FRS2: variants seen among roughly 807,000 people sequenced by gnomAD.
FRS2 encodes FGFR signalling adaptor.
Under a neutral mutation model 43.9 loss-of-function variants are expected in FRS2, and 8 were observed. That is an observed-to-expected ratio of 0.18 (90% CI 0.11 to 0.33). The LOEUF (loss-of-function observed/expected upper bound fraction) is 0.33. FRS2 is among the 10% of genes least tolerant of loss of function. FRS2 has a pLI of 1.00. For synonymous variants in FRS2, 219 were observed against 220.3 expected (o/e 0.99, Z 0.05); for missense variants, 534 against 627.6 (o/e 0.85, Z 1.59).
intron 1 of FRS2, among the ~76,000 whole-genome samples, chr12:69,490,077 T>C (rs1872328150): frequency 6.6e-6 from 1 of 152,124 alleles, no homozygotes; most frequent in Non-Finnish European, 1.5e-5. Flanking sequence ...AAAGACCCAG[T>C]AAAAGGATTT....
chr12:69,573,554 C>A (rs1880939015), intron 8 of FRS2, among the ~76,000 whole-genome samples: 1 of 151,852 alleles, frequency 6.6e-6, no homozygotes, highest in South Asian at 2.1e-4. Context: ...CCTCTGCCTC[C>A]CGGGTTCAAA....
At chr12:69,489,816 G>GT (rs35733726) in intron 1 of FRS2, among the ~76,000 whole-genome samples, 14,046 of 144,660 alleles carry the variant, frequency 0.097, 847 homozygotes, top group Non-Finnish European at 0.15. Flanking sequence ...AGTTTTTGGG[G>GT]TTTTTTTTTT....
rs1653408685 is a variant in FRS2, at chr12:69,571,876, AAACAAAACAG to A, written c.413-234_413-225del. On this transcript the variant is annotated intron_variant, in intron 7 of 8. Coordinates refer to ENST00000549921, the MANE Select transcript of FRS2 (RefSeq NM_001278356.2). ...AAGACTCCGTCTCAAAAACAAAACA[AAACAAAACAG>A]AACAAAAAAACACAGCCGTAGTTCT... Among the ~76,000 whole-genome samples the A allele has an allele frequency of 2.6e-5, 4 of 152,272 alleles. No homozygotes were observed. In the South Asian group the frequency reaches 8.3e-4, roughly 32 times the overall value.
chr12:69,489,659 ACTCC>A, intron 1 of FRS2, among the ~76,000 whole-genome samples: 1 of 144,184 alleles, frequency 6.9e-6, no homozygotes. Context: ...ACAGAGCAAG[ACTCC>A]ATCTCAAAAA....
intron 4 of FRS2, among the ~76,000 whole-genome samples, chr12:69,566,408 T>G (rs1014789644): frequency 1.3e-5 from 2 of 152,156 alleles, no homozygotes; most frequent in African/African-American, 4.8e-5. Context: ...AATTATCCCT[T>G]TACTTAAAAT....
chr12:69,544,462 T>C (rs938253322), intron 3 of FRS2, among the ~76,000 whole-genome samples: 5 of 152,066 alleles, frequency 3.3e-5, no homozygotes, highest in African/African-American at 1.2e-4. Context: ...TTTTAGCACT[T>C]TGAGGAGGCT....
At chr12:69,477,369 C>T (rs1870899553) in intron 1 of FRS2, among the ~76,000 whole-genome samples, 1 of 149,398 alleles carries the variant, frequency 6.7e-6, no homozygotes, top group African/African-American at 2.5e-5. Context: ...CAAGCTCCGC[C>T]TCTCCTGGGT....
chr12:69,489,816 GT>G (rs35733726), intron 1 of FRS2, among the ~76,000 whole-genome samples: 28,200 of 144,624 alleles, frequency 0.19, 2,866 homozygotes, highest in Middle Eastern at 0.31. Context: ...AGTTTTTGGG[GT>G]TTTTTTTTTT....
chr12:69,471,371 A>G (rs1163759585), intron 1 of FRS2, among the ~76,000 whole-genome samples: 1 of 152,122 alleles, frequency 6.6e-6, no homozygotes, highest in Non-Finnish European at 1.5e-5. Flanking sequence ...AATTGATTTT[A>G]AAGAGTTGGA....
At chr12:69,537,356 G>A (rs1018531767) in intron 3 of FRS2, among the ~76,000 whole-genome samples, 3 of 151,248 alleles carry the variant, frequency 2.0e-5, no homozygotes, top group African/African-American at 7.3e-5. Context: ...TTTACCTGAG[G>A]TACGTTCTTT....
At chr12:69,538,920 A>G (rs1877603308) in intron 3 of FRS2, among the ~76,000 whole-genome samples, 1 of 152,120 alleles carries the variant, frequency 6.6e-6, no homozygotes, top group Non-Finnish European at 1.5e-5. Context: ...ATAACATAAC[A>G]TTTAGTTACA....
At chr12:69,476,578 A>G (rs962176920) in intron 1 of FRS2, among the ~76,000 whole-genome samples, 3 of 152,126 alleles carry the variant, frequency 2.0e-5, no homozygotes, top group Non-Finnish European at 2.9e-5. Context: ...TTTCTAGAGA[A>G]AGAATAGTGC....
intron 3 of FRS2, among the ~76,000 whole-genome samples, chr12:69,556,734 A>G (rs953627054): frequency 2.0e-5 from 3 of 152,178 alleles, no homozygotes; most frequent in Non-Finnish European, 2.9e-5. Context: ...TTAGTGTTTT[A>G]TTGATGTTTA....
intron 8 of FRS2, among the ~76,000 whole-genome samples, chr12:69,573,505 A>G (rs528736939): frequency 6.7e-6 from 1 of 150,178 alleles, no homozygotes; most frequent in East Asian, 1.9e-4. Context: ...TCTGTTGCCC[A>G]GGCTGATAAT....
chr12:69,479,221 A>G (rs186649405), intron 1 of FRS2, among the ~76,000 whole-genome samples: 40 of 152,038 alleles, frequency 2.6e-4, no homozygotes, highest in Admixed American at 2.2e-3. Context: ...TTGGAAAATA[A>G]CTTTTTCTTA....
intron 3 of FRS2, among the ~76,000 whole-genome samples, chr12:69,545,908 A>G (rs1260352262): frequency 1.3e-5 from 2 of 152,204 alleles, no homozygotes; most frequent in African/African-American, 2.4e-5. Flanking sequence ...GGATATCTAC[A>G]TACAAAATAA....
chr12:69,484,090 T>C (rs1035708593), intron 1 of FRS2, among the ~76,000 whole-genome samples: 2 of 150,582 alleles, frequency 1.3e-5, no homozygotes, highest in African/African-American at 4.9e-5. Flanking sequence ...GAAAAGCTTT[T>C]CTTTCTTTTT....
chr12:69,482,988 A>G (rs1744025020), intron 1 of FRS2, among the ~76,000 whole-genome samples: 2 of 152,328 alleles, frequency 1.3e-5, no homozygotes, highest in South Asian at 4.1e-4. Flanking sequence ...ACTCTCAGAA[A>G]AGTTTAATAT....
chr12:69,496,233 G>A (rs982429072), intron 1 of FRS2, among the ~76,000 whole-genome samples: 1 of 152,054 alleles, frequency 6.6e-6, no homozygotes, highest in Admixed American at 6.6e-5. Flanking sequence ...TCAGGAGATC[G>A]AGACCATCCT....
Sources: allele counts gnomAD v4.1 joint callset (sites outside exome capture counted in the v4.1 genomes callset), GRCh38; gene constraint gnomAD v4.1.1; transcripts MANE v1.5; gene names NCBI Gene and HGNC (gene_info 2026-07-23, HGNC 2026-07-21).